Variants in DLG3 observed in about 807,000 individuals in gnomAD.
DLG3 encodes disks large homolog 3.
A neutral mutation model predicts 64.1 loss-of-function variants in DLG3; 1 was observed. The ratio of observed to expected loss-of-function variants is 0.02; its 90% confidence interval spans 0.01 to 0.07. DLG3 has a LOEUF of 0.07. DLG3 is among the 10% of genes least tolerant of loss of function. DLG3 has a pLI of 1.00. For missense variants in DLG3, 429 were observed against 669.5 expected (o/e 0.64, Z 3.96); for synonymous variants, 245 against 259.8 (o/e 0.94, Z 0.55).
At chrX:70,480,866 G>A (rs2087142188) in intron 10 of DLG3, among the ~76,000 whole-genome samples, 1 of 112,085 alleles carries the variant, frequency 8.9e-6, no homozygotes, top group Admixed American at 9.4e-5. Flanking sequence ...TGGGCAGGGG[G>A]AGTGGGACAT....
intron 10 of DLG3, 118 bp downstream of exon 10, chrX:70,479,382 G>C (rs1048702990): frequency 1.6e-5 from 9 of 579,124 alleles, no homozygotes; most frequent in Non-Finnish European, 2.7e-5. Flanking sequence ...CTAAAATAAC[G>C]CTTCTCACTG....
intron 4 of DLG3, 44 bp from the exon 5 acceptor site, chrX:70,450,125 C>T: frequency 8.3e-7 from 1 of 1,207,470 alleles, no homozygotes; most frequent in Non-Finnish European, 1.1e-6. Context: ...ACACTTTAAC[C>T]TCTCCTTGTG....
chrX:70,464,585 A>G (rs1056034674), intron 9 of DLG3, among the ~76,000 whole-genome samples: 1 of 112,080 alleles, frequency 8.9e-6, no homozygotes, highest in South Asian at 3.7e-4. Context: ...TTGAGCTAGT[A>G]ACAGTCTTGC....
chrX:70,447,270 G>A (rs1411037633), intron 1 of DLG3, among the ~76,000 whole-genome samples: 4 of 111,862 alleles, frequency 3.6e-5, no homozygotes, highest in Non-Finnish European at 7.5e-5. Context: ...TGGGCTTGAG[G>A]CATGGCTTGT....
At chrX:70,455,911 C>G (rs1250284542) in intron 9 of DLG3, 3 of 111,256 alleles carry the variant, frequency 2.7e-5, no homozygotes, top group Non-Finnish European at 5.7e-5. Context: ...CTGGGAGCCC[C>G]GTCGCCAAGC....
intron 9 of DLG3, among the ~76,000 whole-genome samples, chrX:70,473,584 AATTTTTTTTT>A (rs911084076): frequency 3.6e-5 from 4 of 111,378 alleles, no homozygotes; most frequent in South Asian, 3.8e-4. Flanking sequence ...GACATTCAGT[AATTTTTTTTT>A]ATTTTTTTTT....
At chrX:70,462,047 C>CCT (rs375937213) in intron 9 of DLG3, among the ~76,000 whole-genome samples, 1 of 91,637 alleles carries the variant, frequency 1.1e-5, no homozygotes, top group East Asian at 4.0e-4. Context: ...TCATCCCCCC[C>CCT]CCACCGCCCC....
At chrX:70,501,303 C>T (rs1245055927) in intron 18 of DLG3, among the ~76,000 whole-genome samples, 1 of 110,488 alleles carries the variant, frequency 9.1e-6, no homozygotes, top group Admixed American at 9.8e-5. Flanking sequence ...TCCACTCCCC[C>T]TCCCCCAGTA....
intron 13 of DLG3, chrX:70,497,156 A>C (rs761408728): frequency 8.3e-7 from 1 of 1,205,170 alleles, no homozygotes; most frequent in Non-Finnish European, 1.1e-6. Context: ...TCTGAATTGG[A>C]GTCTCTTTCT....
In DLG3 at chrX:70,498,506, C is replaced by T; in HGVS notation, c.1820-14C>T. 1 of 1,208,551 alleles carries T rather than the reference C, an allele frequency of 8.3e-7. No homozygotes were observed. The highest frequency in any genetic ancestry group is 1.1e-6 in the Non-Finnish European group (1 of 893,484). On this transcript the variant is annotated splice_polypyrimidine_tract_variant and intron_variant, in intron 13 of 18. Coordinates refer to ENST00000374360, the MANE Select transcript of DLG3 (RefSeq NM_021120.4). ...GATCATATGGTGCTAACCTATCTCTCTTTTTTGTTGCAGAAGGACAAGAGG... is the reference window on the plus strand; with the variant it reads ...GATCATATGGTGCTAACCTATCTCTTTTTTTTGTTGCAGAAGGACAAGAGG...
rs1324933686 is a variant in DLG3, at chrX:70,450,819, C to G, written c.985+36C>G. 2.5e-6 allele frequency: 3 copies of G among 1,207,727 alleles called. No individual in the cohort carries two copies. The highest frequency in any genetic ancestry group is 3.4e-6 in the Non-Finnish European group (3 of 893,109). On this transcript the variant is annotated intron_variant, in intron 6 of 18. Coordinates refer to ENST00000374360, the MANE Select transcript of DLG3 (RefSeq NM_021120.4). Reference sequence around the variant, plus strand: ...ATCAGCCCCTGTCCCTGGTCTAAAGCTCTGTCCCCTGGTTTCTGGAGGGGA... The same window carrying G: ...ATCAGCCCCTGTCCCTGGTCTAAAGGTCTGTCCCCTGGTTTCTGGAGGGGA...
chrX:70,449,208 G>A, intron 2 of DLG3, 151 bp from the exon 3 acceptor site: 1 of 860,920 alleles, frequency 1.2e-6, no homozygotes. Context: ...GATCAGCAGA[G>A]GCTGGGTGTC....
intron 9 of DLG3, chrX:70,455,856 C>T (rs1210832954): frequency 1.8e-5 from 2 of 111,864 alleles, no homozygotes; most frequent in African/African-American, 3.3e-5. Flanking sequence ...AGGGACCGAC[C>T]TCTCCCTGGC....
chrX:70,479,047 T>C, intron 9 of DLG3, 103 bp from the exon 10 acceptor site: 1 of 745,741 alleles, frequency 1.3e-6, no homozygotes, highest in African/African-American at 2.0e-5. Flanking sequence ...TCTGGCTGCT[T>C]TTAAGCCAAG....
chrX:70,489,405 C>T (rs1419052412), intron 10 of DLG3, among the ~76,000 whole-genome samples: 2 of 111,610 alleles, frequency 1.8e-5, no homozygotes, highest in East Asian at 2.8e-4. Flanking sequence ...TGGGCTCAAG[C>T]GATTCTCCTG....
chrX:70,500,999 C>T lies in DLG3; in HGVS notation c.2347+10C>T, dbSNP rs1377240792. 2.6e-6 allele frequency: 3 copies of T among 1,150,361 alleles called. No homozygotes were observed. The African/African-American group carries it at 5.4e-5, about 21-fold the overall frequency. 94.8% of individuals were successfully genotyped at this position (1,150,361 alleles called of 1,213,427 possible). A position where few individuals can be genotyped will look rare whatever the true frequency, so the allele number is the denominator to read the frequency against. On this transcript the variant is annotated intron_variant, in intron 18 of 18. Coordinates refer to ENST00000374360, the MANE Select transcript of DLG3 (RefSeq NM_021120.4). ...GGAGAGTACTTTACAGGTAAGACTC[C>T]TGCTGCCCTGCGGGGGGTTCTGGGG...
chrX:70,466,247 T>TTGTG (rs61083333), intron 9 of DLG3, among the ~76,000 whole-genome samples: 4,056 of 84,357 alleles, frequency 0.048, 123 homozygotes, highest in Non-Finnish European at 0.057. Flanking sequence ...TCTTGGTCAT[T>TTGTG]TGTGTGTGTG....
chrX:70,476,705 C>T (rs2087059934), intron 9 of DLG3, among the ~76,000 whole-genome samples: 1 of 112,309 alleles, frequency 8.9e-6, no homozygotes, highest in Non-Finnish European at 1.9e-5. Context: ...CCTTTCTAAG[C>T]CCTCAGTGAA....
Position 70,492,294 on chromosome X carries a change from A to T in DLG3, c.1697+11A>T. On this transcript the variant is annotated intron_variant, in intron 11 of 18. Coordinates refer to ENST00000374360, the MANE Select transcript of DLG3 (RefSeq NM_021120.4). ...CCCCAGTAAGAAGAGGTGAGTCGTC[A>T]TGATCATGAGCAAGGCCTTTCCTGC... 1 of 1,211,274 alleles carries T rather than the reference A, an allele frequency of 8.3e-7. No individual in the cohort carries two copies.
Sources: gnomAD v4.1 joint callset for allele counts (sites outside exome capture counted in the v4.1 genomes callset) on GRCh38, gnomAD v4.1.1 for gene constraint, MANE v1.5 for transcripts, NCBI Gene and HGNC (gene_info 2026-07-23, HGNC 2026-07-21) for gene names.